Variants in LRRC37A2 observed in about 807,000 individuals in gnomAD.
The protein encoded by LRRC37A2 is leucine-rich repeat-containing protein 37A2.
Under a neutral mutation model 68.8 loss-of-function variants are expected in LRRC37A2, and 9 were observed. That is an observed-to-expected ratio of 0.13 (90% CI 0.08 to 0.23). The LOEUF (loss-of-function observed/expected upper bound fraction) is 0.23. LRRC37A2 is among the 10% of genes least tolerant of loss of function. The pLI is 1.00. For missense variants in LRRC37A2, 168 were observed against 950.4 expected (o/e 0.18, Z 10.82); for synonymous variants, 63 against 367.6 (o/e 0.17, Z 9.48).
the LRRC37A2 span, among the ~76,000 whole-genome samples, chr17:46,800,561 T>C: frequency 6.6e-6 from 1 of 152,226 alleles, no homozygotes; most frequent in Admixed American, 6.5e-5. Context: ...AAGAGGTATC[T>C]GAGAATACAG....
the LRRC37A2 span, among the ~76,000 whole-genome samples, chr17:46,888,476 A>G: frequency 6.6e-6 from 1 of 152,188 alleles, no homozygotes; most frequent in South Asian, 2.1e-4. Flanking sequence ...CTACTGATAT[A>G]TTCCTGGGCC....
chr17:46,905,329 G>A, the LRRC37A2 span, among the ~76,000 whole-genome samples: 2 of 152,142 alleles, frequency 1.3e-5, no homozygotes, highest in Non-Finnish European at 2.9e-5. Flanking sequence ...ACCTGCCTCG[G>A]CCTCCCAAAG....
chr17:46,855,686 A>G, the LRRC37A2 span, among the ~76,000 whole-genome samples: 2 of 152,192 alleles, frequency 1.3e-5, no homozygotes, highest in Non-Finnish European at 2.9e-5. Flanking sequence ...AGGCCCAGTT[A>G]CCCAATCCAG....
chr17:47,020,997 T>A, the LRRC37A2 span, among the ~76,000 whole-genome samples: 1 of 151,564 alleles, frequency 6.6e-6, no homozygotes, highest in Non-Finnish European at 1.5e-5. Flanking sequence ...AGAAAAAAAA[T>A]GGGAGTACAG....
the LRRC37A2 span, among the ~76,000 whole-genome samples, chr17:46,768,156 G>A: frequency 6.6e-6 from 1 of 152,192 alleles, no homozygotes; most frequent in Non-Finnish European, 1.5e-5. The surrounding 1 kb of genome is among the most constrained non-coding windows in gnomAD (Gnocchi z 5.0). Context: ...TCCCACGGAT[G>A]CTTGAAAAAT....
chr17:46,968,129 C>T, the LRRC37A2 span, among the ~76,000 whole-genome samples: 1 of 152,206 alleles, frequency 6.6e-6, no homozygotes, highest in Non-Finnish European at 1.5e-5. Context: ...CACTGCTGTT[C>T]CTTCTCTTCA....
chr17:46,895,635 G>C, the LRRC37A2 span, among the ~76,000 whole-genome samples: 1 of 152,188 alleles, frequency 6.6e-6, no homozygotes, highest in Non-Finnish European at 1.5e-5. Flanking sequence ...GGTTGTGCCT[G>C]GGAATTTCCC....
chr17:46,721,530 A>C, the LRRC37A2 span: 1 of 1,137,590 alleles, frequency 8.8e-7, no homozygotes, highest in Non-Finnish European at 1.3e-6. Flanking sequence ...CTGACTATAC[A>C]TTCTTTTTCT....
the LRRC37A2 span, chr17:46,940,347 G>A: frequency 6.8e-7 from 1 of 1,477,540 alleles, no homozygotes; most frequent in Non-Finnish European, 9.0e-7. Context: ...AAAATGGGTT[G>A]GGGCCCTGCC....
chr17:46,818,765 G>A, the LRRC37A2 span: 2 of 703,058 alleles, frequency 2.8e-6, no homozygotes, highest in Non-Finnish European at 4.9e-6. Flanking sequence ...GGAGCAGCCG[G>A]GTTTGAGGAT....
At chr17:46,842,101 C>T in the LRRC37A2 span, among the ~76,000 whole-genome samples, 1 of 152,226 alleles carries the variant, frequency 6.6e-6, no homozygotes, top group African/African-American at 2.4e-5. Flanking sequence ...CCACCACTTG[C>T]CTTCTCACAC....
the LRRC37A2 span, among the ~76,000 whole-genome samples, chr17:46,849,860 TG>T: frequency 3.8e-4 from 57 of 150,868 alleles, 1 homozygote; most frequent in East Asian, 9.8e-4. Context: ...TTTTTTTTTT[TG>T]TTTTGAGATG....
the LRRC37A2 span, chr17:46,851,551 G>A: frequency 5.8e-6 from 4 of 689,092 alleles, no homozygotes; most frequent in Non-Finnish European, 8.0e-6. This position sits in a 1 kb window ranked among gnomAD's most constrained non-coding sequence, Gnocchi z 4.3. Flanking sequence ...CGCCCCACCC[G>A]GGTTTAAAGT....
At chr17:46,965,949 TATGTC>T in the LRRC37A2 span, among the ~76,000 whole-genome samples, 1 of 152,128 alleles carries the variant, frequency 6.6e-6, no homozygotes, top group Non-Finnish European at 1.5e-5. Context: ...TTTTCTTTAA[TATGTC>T]CTGCTGTTTA....
At chr17:46,893,943 T>C in the LRRC37A2 span, among the ~76,000 whole-genome samples, 1 of 152,172 alleles carries the variant, frequency 6.6e-6, no homozygotes, top group Non-Finnish European at 1.5e-5. Context: ...CAAACAGTGA[T>C]GCTGAGCACG....
the LRRC37A2 span, chr17:46,755,215 T>C: frequency 3.6e-6 from 3 of 836,484 alleles, no homozygotes; most frequent in Middle Eastern, 4.4e-4. Flanking sequence ...TAGCAGAGCA[T>C]TGATGAAGTG....
chr17:46,710,950 T>C, the LRRC37A2 span: 38 of 1,575,124 alleles, frequency 2.4e-5, no homozygotes, highest in African/African-American at 5.1e-4. Flanking sequence ...TTTAGACTCC[T>C]TTTTCTTAAT....
intron 8 of LRRC37A2, 27 bp from the exon 8 acceptor site, chr17:46,546,224 CTAAT>C: frequency 1.5e-6 from 1 of 667,752 alleles, no homozygotes; most frequent in South Asian, 1.7e-5. Context: ...CGCTTTACCG[CTAAT>C]TTATTGCTCT....
At chr17:46,796,208 G>T in the LRRC37A2 span, among the ~76,000 whole-genome samples, 2 of 152,188 alleles carry the variant, frequency 1.3e-5, no homozygotes, top group Non-Finnish European at 2.9e-5. Context: ...ACTTCAAAGA[G>T]GCTGCGGGGA....
Sources: gnomAD v4.1 joint callset for allele counts (sites outside exome capture counted in the v4.1 genomes callset) on GRCh38, gnomAD v4.1.1 for gene constraint, Gnocchi (gnomAD v3.1) non-coding constraint, MANE v1.5 for transcripts, NCBI Gene and HGNC (gene_info 2026-07-23, HGNC 2026-07-21) for gene names.